Variants in SAFB observed in about 807,000 individuals in gnomAD.
The protein encoded by SAFB is scaffold attachment factor B, also known as scaffold attachment factor B1.
Under a neutral mutation model 101.6 loss-of-function variants are expected in SAFB, and 15 were observed. The observed-to-expected ratio is 0.15, with a 90% CI of 0.10 to 0.23. The LOEUF (loss-of-function observed/expected upper bound fraction) is 0.23. Ranked by LOEUF, SAFB falls within the 10% of genes least tolerant of loss-of-function variation. The pLI, the probability that SAFB is intolerant of heterozygous loss-of-function variation, is 1.00. For missense variants in SAFB, 930 were observed against 1,104.1 expected, an observed-to-expected ratio of 0.84 and a Z score of 2.23; for synonymous variants, 449 against 407.5, an observed-to-expected ratio of 1.10 and a Z score of -1.23.
chr19:5,651,325 A>C (rs1239454632), intron 9 of SAFB, among the ~76,000 whole-genome samples: 1 of 151,946 alleles, frequency 6.6e-6, no homozygotes, highest in Non-Finnish European at 1.5e-5. Context: ...TCGTGGATCC[A>C]TTTCTGTGTC....
At chr19:5,651,189 C>A (rs1222633722) in intron 9 of SAFB, 117 bp downstream of exon 9, 4 of 618,714 alleles carry the variant, frequency 6.5e-6, no homozygotes, top group South Asian at 2.4e-5. Flanking sequence ...CTTACACTTG[C>A]TAATGGCTGG....
Position 5,649,427 on chromosome 19 carries a change from T to C in SAFB, c.1076T>C (p.Phe359Ser). 2.1e-6 allele frequency: 1 copy of C among 479,198 alleles called. No individual in the cohort carries two copies. Among genetic ancestry groups the C allele is most frequent in the Non-Finnish European group, 3.5e-6 (1 of 289,732 alleles). 29.7% of individuals were successfully genotyped at this position (479,198 alleles called of 1,614,324 possible). A position where few individuals can be genotyped will look rare whatever the true frequency, so the allele number is the denominator to read the frequency against. ...AAAGAAGACGGGAGGAAGTTTGATT[T>C]TGACGCTTGTAATGAAGTCCCTCCG... is the stretch of plus-strand genomic sequence containing the variant. ...DSKEDGRKFD[F>S]DACNEVPPAP... The change falls in exon 7 of 21, where the codon TTT (phenylalanine) becomes TCT (serine). Residue 359 changes from phenylalanine (F) to serine (S), a missense_variant. Transcript: ENST00000588852.
At chr19:5,664,571 A>G (rs1347446851) in intron 17 of SAFB, 132 bp downstream of exon 17, 10 of 728,398 alleles carry the variant, frequency 1.4e-5, no homozygotes, top group East Asian at 2.7e-5. Context: ...AAGCACTAGA[A>G]AAGTCTAGGT....
At position 5,667,361 on chromosome 19, in the gene SAFB, G is replaced by T. The variant is rs1819040658; in HGVS notation, c.2468G>T (p.Trp823Leu). The stretch of plus-strand genomic sequence containing the variant: ...TCTCTTTCAAGGGGCAGACGTGACT[G>T]GGGGGACCATGGCCGAAGAGAGGAT... ...LPPPPRGRRD[W>L]GDHGRREDDR... Residue 823 changes from tryptophan (W) to leucine (L), a missense_variant, in exon 19 of 21, where the codon TGG (tryptophan) becomes TTG (leucine). Around this residue, in one of 7 missense-constraint regions of SAFB, gnomAD observed 318 missense variants for 342.6 expected, o/e 0.93. Coordinates refer to ENST00000588852, the MANE Select transcript of SAFB (RefSeq NM_001201338.2). The surrounding 1 kb of genome is among the most constrained non-coding windows in gnomAD (Gnocchi z 4.0). 4 of 1,501,172 alleles carry T rather than the reference G, an allele frequency of 2.7e-6. No homozygotes were observed. The highest frequency in any genetic ancestry group is 2.5e-5 in the East Asian group (1 of 40,342). The allele number at this position is 1,501,172 out of a possible 1,614,324, so 93.0% of individuals were successfully genotyped here. A position where few individuals can be genotyped will look rare whatever the true frequency, so the allele number is the denominator to read the frequency against.
In SAFB at chr19:5,651,066, T is replaced by G; in HGVS notation, c.1287T>G (p.Tyr429Ter). ...ATTTGAAGAATCTTTTCAGCAAATA[T>G]GGGAAGGTAAGTGCCAGAGCTTTTC... ...ATDLKNLFSK[Y>*]GKVVGAKVVT... Residue 429 changes from tyrosine to a stop codon, truncating the protein, a stop_gained, in exon 9 of 21, where the codon TAT (tyrosine) becomes TAG (stop). Coordinates refer to ENST00000588852, the MANE Select transcript of SAFB (RefSeq NM_001201338.2). LOFTEE classifies it high-confidence loss of function. 6.2e-7 allele frequency: 1 copy of G among 1,601,990 alleles called. No homozygotes were observed. The highest frequency in any genetic ancestry group is 8.5e-7 in the Non-Finnish European group (1 of 1,171,996).
chr19:5,654,588 A>C, intron 13 of SAFB, 132 bp downstream of exon 13: 1 of 692,810 alleles, frequency 1.4e-6, no homozygotes, highest in Non-Finnish European at 2.6e-6. Flanking sequence ...TAGAAATCTC[A>C]AACTATTTTT....
chr19:5,645,219 G>C (rs2053801976), intron 4 of SAFB, 118 bp from the exon 5 acceptor site: 4 of 571,350 alleles, frequency 7.0e-6, no homozygotes, highest in Non-Finnish European at 1.3e-5. Flanking sequence ...TTCTGCCCTG[G>C]GTTTAAAATT....
intron 9 of SAFB, among the ~76,000 whole-genome samples, chr19:5,651,777 A>T (rs139977208): frequency 6.6e-6 from 1 of 152,190 alleles, no homozygotes; most frequent in Non-Finnish European, 1.5e-5. Flanking sequence ...CGTCTCTCTC[A>T]GAGTCGGTTT....
At chr19:5,660,539 T>C (rs937909926) in intron 14 of SAFB, among the ~76,000 whole-genome samples, 3 of 151,402 alleles carry the variant, frequency 2.0e-5, no homozygotes, top group African/African-American at 7.3e-5. Context: ...CTCACTATAT[T>C]GTCCAGGCTG....
chr19:5,648,051 T>TA lies in SAFB; in HGVS notation c.637+11dup, dbSNP rs764977468. The TA allele has an allele frequency of 6.2e-7, 1 of 1,608,838 alleles. No individual in the cohort carries two copies. Among genetic ancestry groups the TA allele is most frequent in the East Asian group, 2.2e-5 (1 of 44,872 alleles). On this transcript the variant is annotated intron_variant, in intron 6 of 20. Coordinates refer to ENST00000588852, the MANE Select transcript of SAFB (RefSeq NM_001201338.2). The stretch of plus-strand genomic sequence containing the variant: ...AGCCATCCCTGGAGCCAGGTACTGT[T>TA]AAATGAAAAACTTACCAGCGGGGGT...
chr19:5,661,871 C>A, intron 15 of SAFB, 63 bp downstream of exon 15: 6 of 1,161,426 alleles, frequency 5.2e-6, no homozygotes, highest in Non-Finnish European at 7.1e-6. Flanking sequence ...ACCTCACAGT[C>A]CAGTTAGCTT....
intron 13 of SAFB, among the ~76,000 whole-genome samples, chr19:5,655,720 G>A (rs897151349): frequency 3.3e-5 from 5 of 152,128 alleles, no homozygotes; most frequent in African/African-American, 1.2e-4. Flanking sequence ...CAGTCTCTGT[G>A]TGCCAGTATT....
In SAFB at chr19:5,649,336, G is replaced by C. The variant is rs1385144153; in HGVS notation, c.985G>C (p.Glu329Gln). 1 of 384,468 alleles carries C rather than the reference G, an allele frequency of 2.6e-6. No individual in the cohort carries two copies. Among genetic ancestry groups the C allele is most frequent in the Non-Finnish European group, 4.2e-6 (1 of 235,552 alleles). The allele number at this position is 384,468 out of a possible 1,614,324, so 23.8% of individuals were successfully genotyped here. Residue 329 changes from glutamate to glutamine, a missense_variant, in exon 7 of 21, where the codon GAG (glutamate) becomes CAG (glutamine). Around this residue, in one of 7 missense-constraint regions of SAFB, gnomAD observed 130 missense variants for 114.2 expected, o/e 1.14. Coordinates refer to ENST00000588852, the MANE Select transcript of SAFB (RefSeq NM_001201338.2). ...EQSSAASELA[E>Q]ASSEELAEAP... ...GAGTAGTGCGGCCTCCGAGCTCGCG[G>C]AGGCCTCTAGCGAGGAGCTCGCAGA...
At position 5,641,957 on chromosome 19, in the gene SAFB, G is replaced by A. The variant is rs749207345; in HGVS notation, c.546+11G>A. 6.8e-6 allele frequency: 11 copies of A among 1,607,726 alleles called. No individual in the cohort carries two copies. Among genetic ancestry groups the A allele is most frequent in the East Asian group, 2.2e-5 (1 of 44,842 alleles). On this transcript the variant is annotated intron_variant, in intron 4 of 20. Transcript: ENST00000588852. Reference sequence around the variant, plus strand: ...CTTCAGGAACATGCTGTAGGTAACCGGCAATGTCTCTAGAATGTGCCCTGA... The same window carrying A: ...CTTCAGGAACATGCTGTAGGTAACCAGCAATGTCTCTAGAATGTGCCCTGA...
Position 5,667,094 on chromosome 19 carries a change from C to G in SAFB, c.2383C>G (p.Arg795Gly), listed in dbSNP as rs766661025. The G allele has an allele frequency of 1.2e-6, 2 of 1,612,640 alleles. No individual in the cohort carries two copies. The highest frequency in any genetic ancestry group is 1.7e-6 in the Non-Finnish European group (2 of 1,179,380). Residue 795 changes from arginine to glycine, a missense_variant, in exon 18 of 21, where the codon CGC becomes GGC. Coordinates refer to ENST00000588852, the MANE Select transcript of SAFB (RefSeq NM_001201338.2). The surrounding 1 kb of genome is among the most constrained non-coding windows in gnomAD (Gnocchi z 4.0). ...ACCAGAGCGCCACGGCCGGGACTCC[C>G]GCGATGGCTGGGGGGGCTATGGCTC... ...GGPERHGRDS[R>G]DGWGGYGSDK... is the part of the protein sequence containing the mutation.
At chr19:5,627,474 C>T (rs551231014) in intron 2 of SAFB, among the ~76,000 whole-genome samples, 2 of 152,266 alleles carry the variant, frequency 1.3e-5, no homozygotes, top group East Asian at 3.9e-4. Context: ...CCTGAGCCTC[C>T]TATTGCTTGG....
intron 14 of SAFB, 28 bp from the exon 15 acceptor site, chr19:5,661,490 C>G (rs1272452295): frequency 6.2e-7 from 1 of 1,607,750 alleles, no homozygotes; most frequent in African/African-American, 1.3e-5. Context: ...GTGTCTAGGT[C>G]CCCTTCTGCA....
rs1421996413 is a variant in SAFB at position 5,668,164 on chromosome 19, G to A, written c.2627G>A (p.Arg876His). ...AACCAATGTGAATTTGTTCCTAGGC[G>A]CGGCAGCTTTGCCCCAGGCGGGGCC... Reference protein sequence around the residue: ...HMMNRGGMSGRGSFAPGGASR... With the variant: ...HMMNRGGMSGHGSFAPGGASR... The change falls in exon 21 of 21, where the codon CGC becomes CAC. Residue 876 changes from arginine to histidine, a missense_variant and splice_region_variant. Physicochemically the swap from Arg to His is conservative, Grantham distance 29. Around this residue, in one of 7 missense-constraint regions of SAFB, gnomAD observed 318 missense variants for 342.6 expected, o/e 0.93. Transcript: ENST00000588852. 1.2e-5 allele frequency: 20 copies of A among 1,606,714 alleles called. No homozygotes were observed. Among genetic ancestry groups the A allele is most frequent in the Non-Finnish European group, 1.6e-5 (19 of 1,177,498 alleles).
At chr19:5,634,151 A>G (rs780928471) in intron 2 of SAFB, among the ~76,000 whole-genome samples, 4 of 152,142 alleles carry the variant, frequency 2.6e-5, no homozygotes, top group Non-Finnish European at 5.9e-5. Flanking sequence ...GTCCTGCGAA[A>G]TCACTAATTA....
Sources: gnomAD v4.1 joint callset for allele counts (sites outside exome capture counted in the v4.1 genomes callset) on GRCh38, gnomAD v4.1.1 for gene constraint, gnomAD v4.1.1 regional missense constraint, Gnocchi (gnomAD v3.1) non-coding constraint, MANE v1.5 for transcripts, NCBI Gene and HGNC (gene_info 2026-07-23, HGNC 2026-07-21) for gene names.